LRRTM3: variants seen among roughly 807,000 people sequenced by gnomAD.
The protein encoded by LRRTM3 is leucine rich repeat transmembrane neuronal 3.
Under a neutral mutation model 44.7 loss-of-function variants are expected in LRRTM3, and 24 were observed. The ratio of observed to expected loss-of-function variants is 0.54; its 90% CI spans 0.39 to 0.76. The LOEUF (loss-of-function observed/expected upper bound fraction) is 0.76, where lower values mean the gene tolerates loss of function less well. Among genes scored for constraint, LRRTM3 ranks in the 30% least tolerant of loss-of-function variants. LRRTM3 has a pLI of 0.00. For missense variants in LRRTM3, 587 were observed against 702.2 expected (o/e 0.84, Z 1.85); for synonymous variants, 277 against 278.7 (o/e 0.99, Z 0.06).
intron 2 of LRRTM3, among the ~76,000 whole-genome samples, chr10:67,065,031 C>T (rs904982152): frequency 3.3e-5 from 5 of 152,142 alleles, no homozygotes; most frequent in African/African-American, 1.2e-4. Context: ...CACTTATGGT[C>T]CTACATAGCA....
At chr10:66,974,262 GAC>G (rs1849896063) in intron 2 of LRRTM3, among the ~76,000 whole-genome samples, 1 of 152,288 alleles carries the variant, frequency 6.6e-6, no homozygotes, top group East Asian at 1.9e-4. Flanking sequence ...AGCTTCTGGT[GAC>G]ATAGGCTGGA....
intron 2 of LRRTM3, among the ~76,000 whole-genome samples, chr10:67,092,643 A>G (rs1369811232): frequency 1.3e-5 from 2 of 152,002 alleles, no homozygotes; most frequent in African/African-American, 2.4e-5. Flanking sequence ...ACTTTAAAAA[A>G]CTATTCTTAT....
In LRRTM3 at chr10:67,097,719, C is replaced by A; in HGVS notation, c.1669C>A (p.His557Asn). The A allele has an allele frequency of 6.2e-7, 1 of 1,612,674 alleles. No individual in the cohort carries two copies. The highest frequency in any genetic ancestry group is 1.3e-5 in the African/African-American group (1 of 74,878). The change falls in exon 3 of 3, where the codon CAC (histidine) becomes AAC (asparagine). Residue 557 changes from histidine (H) to asparagine (N), a missense_variant. His to Asn is a moderately conservative substitution (Grantham distance 68, BLOSUM62 1). Coordinates refer to ENST00000361320, the MANE Select transcript of LRRTM3 (RefSeq NM_178011.5). ...TGCACAGGAAGATACGATGGAAACA[C>A]ACCTAGAGACTGAGCTGGACCTGAG... is the stretch of plus-strand genomic sequence containing the variant. The part of the protein sequence containing the change: ...TNAQEDTMET[H>N]LETELDLSTI...
chr10:67,017,725 CTGTGTGTG>C (rs10586644), intron 2 of LRRTM3, among the ~76,000 whole-genome samples: 9 of 147,890 alleles, frequency 6.1e-5, no homozygotes, highest in South Asian at 2.1e-4. Flanking sequence ...CAAAAATCAT[CTGTGTGTG>C]TGTGTGTGTG....
rs1001284518 is a variant in LRRTM3 at position 67,051,227 on chromosome 10, A to G, written c.1537-46360A>G. 3.3e-5 allele frequency among the ~76,000 whole-genome samples: 5 copies of G among 152,210 alleles called. 1 individual carries two copies. In the South Asian group the frequency reaches 1.0e-3, roughly 31 times the overall value. On this transcript the variant is annotated intron_variant, in intron 2 of 2. Transcript: ENST00000361320. ...GTTCTCAGTCTGTCTCTGAAAAATG[A>G]AGACGTGAACTAAATTTTCTCCCAA...
intron 2 of LRRTM3, among the ~76,000 whole-genome samples, chr10:66,988,059 T>C (rs1850833427): frequency 1.3e-5 from 2 of 152,156 alleles, no homozygotes; most frequent in African/African-American, 2.4e-5. Context: ...AATAATTTAT[T>C]ATTCTTTAGG....
intron 2 of LRRTM3, among the ~76,000 whole-genome samples, chr10:66,930,101 A>G (rs1847293087): frequency 6.6e-6 from 1 of 152,140 alleles, no homozygotes; most frequent in Non-Finnish European, 1.5e-5. Flanking sequence ...GAGAGGAAAA[A>G]TCTAGGCAAG....
At chr10:66,983,968 T>C (rs1253711356) in intron 2 of LRRTM3, among the ~76,000 whole-genome samples, 2 of 152,216 alleles carry the variant, frequency 1.3e-5, no homozygotes, top group Non-Finnish European at 2.9e-5. Context: ...GATACTATTA[T>C]TATCTCAATT....
chr10:67,033,793 C>T (rs890210898), intron 2 of LRRTM3, among the ~76,000 whole-genome samples: 6 of 151,920 alleles, frequency 3.9e-5, no homozygotes, highest in Admixed American at 6.6e-5. Flanking sequence ...TTTTTTTGGA[C>T]GAAGTCTCAC....
At chr10:67,075,578 AAGATAT>A (rs1217854888) in intron 2 of LRRTM3, among the ~76,000 whole-genome samples, 1 of 152,210 alleles carries the variant, frequency 6.6e-6, no homozygotes, top group Non-Finnish European at 1.5e-5. Flanking sequence ...TTCTCAAAGT[AAGATAT>A]AGACAAAGTG....
chr10:66,965,677 A>G (rs1409327482), intron 2 of LRRTM3, among the ~76,000 whole-genome samples: 2 of 152,004 alleles, frequency 1.3e-5, no homozygotes, highest in Non-Finnish European at 2.9e-5. Flanking sequence ...GATTGTCCCA[A>G]AGCAAAACTG....
intron 2 of LRRTM3, among the ~76,000 whole-genome samples, chr10:66,977,955 C>T (rs1850143795): frequency 6.6e-6 from 1 of 151,972 alleles, no homozygotes; most frequent in South Asian, 2.1e-4. Context: ...AAAAATGACA[C>T]TTAGTCAAAC....
At chr10:67,062,018 T>A (rs1245615836) in intron 2 of LRRTM3, among the ~76,000 whole-genome samples, 1 of 152,114 alleles carries the variant, frequency 6.6e-6, no homozygotes, top group East Asian at 1.9e-4. Context: ...AACCATAGTA[T>A]AACCCTTAGA....
chr10:66,994,719 G>A, intron 2 of LRRTM3, among the ~76,000 whole-genome samples: 1 of 152,164 alleles, frequency 6.6e-6, no homozygotes, highest in Non-Finnish European at 1.5e-5. Flanking sequence ...GGAATAGCTT[G>A]ATGACTATTT....
At chr10:66,965,327 G>A (rs1849341528) in intron 2 of LRRTM3, among the ~76,000 whole-genome samples, 1 of 152,084 alleles carries the variant, frequency 6.6e-6, no homozygotes, top group Admixed American at 6.5e-5. Context: ...ATGAGGTCAA[G>A]AGATCCAGAC....
intron 2 of LRRTM3, among the ~76,000 whole-genome samples, chr10:66,951,276 T>C (rs1011230142): frequency 4.6e-5 from 7 of 151,948 alleles, no homozygotes; most frequent in Admixed American, 2.0e-4. Flanking sequence ...CCACCACCCC[T>C]GGCCAATTTT....
intron 2 of LRRTM3, among the ~76,000 whole-genome samples, chr10:66,968,828 C>T (rs958411265): frequency 1.2e-4 from 18 of 152,088 alleles, no homozygotes; most frequent in Middle Eastern, 3.4e-3. Flanking sequence ...ACGAGCCTGG[C>T]CAACATGGTG....
At chr10:67,090,727 G>A (rs948753659) in intron 2 of LRRTM3, among the ~76,000 whole-genome samples, 17 of 151,920 alleles carry the variant, frequency 1.1e-4, no homozygotes, top group Admixed American at 2.0e-4. Flanking sequence ...TATTAGAGAC[G>A]TGTCCAGGCC....
intron 2 of LRRTM3, among the ~76,000 whole-genome samples, chr10:66,977,128 AC>A (rs1290002234): frequency 3.3e-5 from 5 of 152,090 alleles, no homozygotes; most frequent in African/African-American, 1.2e-4. Context: ...TGTTTAAAGG[AC>A]CTATAATGGG....
Sources: allele counts gnomAD v4.1 joint callset (sites outside exome capture counted in the v4.1 genomes callset), GRCh38; gene constraint gnomAD v4.1.1; transcripts MANE v1.5; gene names NCBI Gene and HGNC (gene_info 2026-07-23, HGNC 2026-07-21).